The following PLSCR2 variants were observed in gnomAD, a reference collection of about 807,000 sequenced individuals.
PLSCR2 encodes phospholipid scramblase 2.
Under a neutral mutation model 25.3 loss-of-function variants are expected in PLSCR2, and 18 were observed. The ratio of observed to expected loss-of-function variants is 0.71; its 90% CI spans 0.49 to 1.06. The LOEUF (loss-of-function observed/expected upper bound fraction) is 1.06, where lower values mean the gene tolerates loss of function less well. PLSCR2 is among the 50% of genes least tolerant of loss of function. The probability of loss-of-function intolerance (pLI) is 0.00; values close to 1 mark genes in which losing one functional copy is unlikely to be tolerated. For missense variants in PLSCR2, 243 were observed against 269.5 expected (o/e 0.90, Z 0.69); for synonymous variants, 88 against 87.3 (o/e 1.01, Z -0.04).
chr3:146,392,394 G>A (rs2038108913), intron 3 of PLSCR2, among the ~76,000 whole-genome samples: 3 of 151,878 alleles, frequency 2.0e-5, no homozygotes, highest in Admixed American at 2.0e-4. Context: ...AACAAAAAAT[G>A]GTATTTTATC....
At chr3:146,436,042 T>C (rs954991970) in intron 8 of PLSCR2, among the ~76,000 whole-genome samples, 1 of 152,232 alleles carries the variant, frequency 6.6e-6, no homozygotes, top group Non-Finnish European at 1.5e-5. Flanking sequence ...CCTTTCCCCA[T>C]TTCTTGTTTT....
At chr3:146,398,561 T>A (rs2038353158) in intron 2 of PLSCR2, 1 of 151,262 alleles carries the variant, frequency 6.6e-6, no homozygotes, top group Non-Finnish European at 1.5e-5. Context: ...ATAATAATAT[T>A]CTTTTATTTA....
chr3:146,460,265 T>C, exon 1 of PLSCR2: 2 of 1,348,292 alleles, frequency 1.5e-6, no homozygotes, highest in South Asian at 1.8e-5. Context: ...CACATTCACT[T>C]CTATTTTGAG....
At chr3:146,398,516 T>G (rs1187390114) in intron 2 of PLSCR2, 2 of 88,838 alleles carry the variant, frequency 2.3e-5, no homozygotes, top group East Asian at 7.8e-4. Flanking sequence ...AGTAATCCAA[T>G]TTTTTTTTAA....
intron 2 of PLSCR2, among the ~76,000 whole-genome samples, chr3:146,420,884 C>T (rs1269602224): frequency 3.9e-5 from 6 of 151,956 alleles, no homozygotes; most frequent in Admixed American, 6.6e-5. Context: ...AAAAAAGATT[C>T]GTAGTTGGTT....
chr3:146,412,185 A>T (rs1185128564), intron 2 of PLSCR2, among the ~76,000 whole-genome samples: 1 of 152,138 alleles, frequency 6.6e-6, no homozygotes, highest in Non-Finnish European at 1.5e-5. Context: ...AGCTCTCAGG[A>T]GTTGCAGTCT....
At chr3:146,463,783 T>C, upstream of PLSCR2, 1 of 751,396 alleles carries the variant, frequency 1.3e-6, no homozygotes, top group South Asian at 6.0e-5. Context: ...AACTGATCCC[T>C]CCACATCCTC....
intron 1 of PLSCR2, among the ~76,000 whole-genome samples, chr3:146,476,328 C>T (rs190923463): frequency 3.9e-4 from 60 of 152,304 alleles, no homozygotes; most frequent in Admixed American, 2.7e-3. Flanking sequence ...CCAAGGGAGG[C>T]GCTGAGTGTT....
At chr3:146,464,673 A>C (rs916406830), upstream of PLSCR2, among the ~76,000 whole-genome samples, 11 of 152,226 alleles carry the variant, frequency 7.2e-5, no homozygotes, top group Admixed American at 7.2e-4. Flanking sequence ...CAATCTGATT[A>C]CTACACACTT....
At chr3:146,414,899 A>G (rs991860623) in intron 2 of PLSCR2, among the ~76,000 whole-genome samples, 2 of 152,208 alleles carry the variant, frequency 1.3e-5, no homozygotes, top group Non-Finnish European at 2.9e-5. Flanking sequence ...GCAGACCAGA[A>G]TTTTCAGGAA....
chr3:146,393,301 T>G (rs2038157436), intron 3 of PLSCR2, among the ~76,000 whole-genome samples: 1 of 151,436 alleles, frequency 6.6e-6, no homozygotes, highest in South Asian at 2.1e-4. Flanking sequence ...GTGCTGGGAT[T>G]ACAGGCGTGA....
At chr3:146,444,290 T>C (rs1005138478) in intron 6 of PLSCR2, among the ~76,000 whole-genome samples, 3 of 152,080 alleles carry the variant, frequency 2.0e-5, no homozygotes, top group Non-Finnish European at 4.4e-5. Context: ...TGGTTTATAG[T>C]GCAGATTCAA....
At chr3:146,431,294 C>T (rs1028541631), downstream of PLSCR2, among the ~76,000 whole-genome samples, 1 of 152,140 alleles carries the variant, frequency 6.6e-6, no homozygotes. Flanking sequence ...ATGTTTCTAT[C>T]CAAAATCATT....
At chr3:146,483,453 GTA>G (rs1186980145) in intron 1 of PLSCR2, among the ~76,000 whole-genome samples, 1,415 of 32,462 alleles carry the variant, frequency 0.044, 41 homozygotes, top group East Asian at 0.25. Flanking sequence ...ACACATGTAT[GTA>G]TATATATATA....
intron 1 of PLSCR2, among the ~76,000 whole-genome samples, chr3:146,485,379 TAGAC>T (rs1439803959): frequency 6.6e-6 from 1 of 152,074 alleles, no homozygotes; most frequent in East Asian, 1.9e-4. Flanking sequence ...CTGTAAATAT[TAGAC>T]AGATCATCAA....
At chr3:146,467,508 C>G (rs1319383975) in intron 1 of PLSCR2, among the ~76,000 whole-genome samples, 1 of 151,960 alleles carries the variant, frequency 6.6e-6, no homozygotes, top group African/African-American at 2.4e-5. Context: ...TAACCAAAGG[C>G]ATAGAGCATG....
intron 2 of PLSCR2, among the ~76,000 whole-genome samples, chr3:146,406,446 C>T (rs1012243062): frequency 6.6e-6 from 1 of 152,102 alleles, no homozygotes; most frequent in African/African-American, 2.4e-5. Context: ...GAACAGTACA[C>T]ATAAATCAAC....
chr3:146,408,850 A>AAAGCT, intron 2 of PLSCR2, among the ~76,000 whole-genome samples: 1 of 152,280 alleles, frequency 6.6e-6, no homozygotes, highest in South Asian at 2.1e-4. Context: ...AAAATCATCT[A>AAAGCT]AAGCTCTCCT....
intron 2 of PLSCR2, among the ~76,000 whole-genome samples, chr3:146,421,463 A>C (rs1470483777): frequency 1.3e-5 from 2 of 152,064 alleles, no homozygotes; most frequent in African/African-American, 4.8e-5. Flanking sequence ...AGCAATGAAA[A>C]GGACTATAGA....
Sources: allele counts gnomAD v4.1 joint callset (sites outside exome capture counted in the v4.1 genomes callset), GRCh38; gene constraint gnomAD v4.1.1; transcripts MANE v1.5; gene names NCBI Gene and HGNC (gene_info 2026-07-23, HGNC 2026-07-21).